SLC24A2: variants seen among roughly 807,000 people sequenced by gnomAD.
SLC24A2 encodes the protein sodium/potassium/calcium exchanger 2.
A neutral mutation model predicts 62.0 loss-of-function variants in SLC24A2; 36 were observed. The observed-to-expected ratio is 0.58, with a 90% CI of 0.44 to 0.77. The LOEUF (loss-of-function observed/expected upper bound fraction) is 0.77. SLC24A2 is among the 30% of genes least tolerant of loss of function. SLC24A2 has a pLI of 0.00. For synonymous variants in SLC24A2, 358 were observed against 294.0 expected (o/e 1.22, Z -2.23); for missense variants, 846 against 817.9 (o/e 1.03, Z -0.42).
At chr9:19,541,402 G>A (rs1262305060) in intron 8 of SLC24A2, among the ~76,000 whole-genome samples, 1 of 151,744 alleles carries the variant, frequency 6.6e-6, no homozygotes, top group Non-Finnish European at 1.5e-5. Context: ...TGTCCTTTCT[G>A]GTCGTTAGTT....
At chr9:19,630,319 G>A (rs1319667905) in intron 2 of SLC24A2, among the ~76,000 whole-genome samples, 1 of 151,936 alleles carries the variant, frequency 6.6e-6, no homozygotes, top group African/African-American at 2.4e-5. Context: ...TGAGCAAAGG[G>A]CATTAGATAT....
chr9:19,814,399 C>T, the SLC24A2 span, among the ~76,000 whole-genome samples: 1 of 152,192 alleles, frequency 6.6e-6, no homozygotes, highest in Admixed American at 6.5e-5. Context: ...TGCCAGAATC[C>T]ACCTCTGACT....
chr9:19,896,296 A>G, the SLC24A2 span, among the ~76,000 whole-genome samples: 1 of 152,324 alleles, frequency 6.6e-6, no homozygotes. Flanking sequence ...AATGTTTTTT[A>G]CTTTGTGAGT....
At chr9:19,956,725 C>T in the SLC24A2 span, among the ~76,000 whole-genome samples, 2 of 152,152 alleles carry the variant, frequency 1.3e-5, no homozygotes, top group Non-Finnish European at 2.9e-5. Flanking sequence ...ATTCAATTAC[C>T]TCCCACCAGA....
the SLC24A2 span, among the ~76,000 whole-genome samples, chr9:19,892,477 C>T: frequency 6.6e-6 from 1 of 152,178 alleles, no homozygotes; most frequent in Non-Finnish European, 1.5e-5. Flanking sequence ...AGCCTGATGC[C>T]TCACAAGTGC....
the SLC24A2 span, among the ~76,000 whole-genome samples, chr9:19,868,276 T>C: frequency 6.6e-6 from 1 of 152,166 alleles, no homozygotes; most frequent in African/African-American, 2.4e-5. Flanking sequence ...AGAGGCTTAT[T>C]GTTTATTTTC....
At chr9:20,128,510 C>T in the SLC24A2 span, among the ~76,000 whole-genome samples, 2 of 152,122 alleles carry the variant, frequency 1.3e-5, no homozygotes, top group African/African-American at 4.8e-5. Context: ...GGCTGCATTA[C>T]TCTAATGTGT....
chr9:19,906,942 C>T, the SLC24A2 span, among the ~76,000 whole-genome samples: 51,227 of 151,884 alleles, frequency 0.34, 8,856 homozygotes, highest in African/African-American at 0.4. Context: ...TTCCAATCAA[C>T]AGAAAAAGAG....
chr9:19,925,616 GA>G, the SLC24A2 span, among the ~76,000 whole-genome samples: 46 of 151,502 alleles, frequency 3.0e-4, no homozygotes, highest in African/African-American at 6.3e-4. Flanking sequence ...AAAATCTGCA[GA>G]AAAAAAAATT....
chr9:20,234,211 T>G, the SLC24A2 span, among the ~76,000 whole-genome samples: 21 of 151,168 alleles, frequency 1.4e-4, no homozygotes, highest in African/African-American at 2.7e-4. Context: ...TGTCTTGGAG[T>G]TGCTCTTCTC....
At chr9:19,650,017 C>T (rs1188083958) in intron 2 of SLC24A2, among the ~76,000 whole-genome samples, 1 of 152,186 alleles carries the variant, frequency 6.6e-6, no homozygotes, top group African/African-American at 2.4e-5. Flanking sequence ...CGGGGTACAA[C>T]TGGTGACATA....
the SLC24A2 span, among the ~76,000 whole-genome samples, chr9:20,161,890 A>G: frequency 1.3e-5 from 2 of 151,634 alleles, no homozygotes; most frequent in Admixed American, 6.6e-5. Context: ...AAAACCTACT[A>G]TATTCGCTAC....
intron 9 of SLC24A2, among the ~76,000 whole-genome samples, chr9:19,525,019 G>C (rs980166075): frequency 6.6e-6 from 1 of 152,170 alleles, no homozygotes; most frequent in Non-Finnish European, 1.5e-5. Context: ...AGTCCTTTCA[G>C]CCTGGACATC....
At chr9:19,836,393 G>C in the SLC24A2 span, among the ~76,000 whole-genome samples, 1 of 152,000 alleles carries the variant, frequency 6.6e-6, no homozygotes, top group Non-Finnish European at 1.5e-5. Flanking sequence ...TGACAAAGGG[G>C]ATACCACCAC....
chr9:20,029,169 A>G, the SLC24A2 span, among the ~76,000 whole-genome samples: 1 of 152,158 alleles, frequency 6.6e-6, no homozygotes, highest in Non-Finnish European at 1.5e-5. Flanking sequence ...TGGAAGGCAA[A>G]GGGGCCAAAC....
the SLC24A2 span, among the ~76,000 whole-genome samples, chr9:20,210,380 G>A: frequency 7.4e-4 from 112 of 152,308 alleles, no homozygotes; most frequent in Non-Finnish European, 1.3e-3. Context: ...GTGTCAGGTG[G>A]TAGAAAGCAG....
chr9:19,937,683 C>T, the SLC24A2 span, among the ~76,000 whole-genome samples: 2 of 152,246 alleles, frequency 1.3e-5, no homozygotes, highest in South Asian at 2.1e-4. Flanking sequence ...AATTGAGAGA[C>T]AGATATTTTG....
chr9:20,096,081 A>ATCCGTCCG, the SLC24A2 span, among the ~76,000 whole-genome samples: 17 of 139,600 alleles, frequency 1.2e-4, no homozygotes, highest in Admixed American at 9.7e-4. Flanking sequence ...CCATCCATCC[A>ATCCGTCCG]TCCATCCGTC....
At chr9:19,759,968 G>C (rs1484216749) in intron 2 of SLC24A2, among the ~76,000 whole-genome samples, 1 of 152,126 alleles carries the variant, frequency 6.6e-6, no homozygotes, top group Non-Finnish European at 1.5e-5. Context: ...TTCTCAAGCA[G>C]TACAGATTTT....
Sources: allele counts gnomAD v4.1 joint callset (sites outside exome capture counted in the v4.1 genomes callset), GRCh38; gene constraint gnomAD v4.1.1; transcripts MANE v1.5; gene names NCBI Gene and HGNC (gene_info 2026-07-23, HGNC 2026-07-21).